The following ATP11B variants were observed in gnomAD, a reference collection of about 807,000 sequenced individuals.
ATP11B encodes the protein ATPase phospholipid transporting 11B (putative), also known as phospholipid-transporting ATPase IF.
ATP11B carries 81 observed loss-of-function variants against 157.8 expected under a neutral mutation model. That is an observed-to-expected ratio of 0.51 (90% CI 0.43 to 0.62). The LOEUF is 0.62. ATP11B is among the 20% of genes least tolerant of loss of function. The probability of loss-of-function intolerance (pLI) is 0.00; values close to 1 mark genes in which losing one functional copy is unlikely to be tolerated. For missense variants in ATP11B, 1,165 were observed against 1,402.2 expected (o/e 0.83, Z 2.70); for synonymous variants, 451 against 469.4 (o/e 0.96, Z 0.51).
intron 28 of ATP11B, among the ~76,000 whole-genome samples, chr3:182,904,411 T>A (rs1724183897): frequency 6.6e-6 from 1 of 152,236 alleles, no homozygotes; most frequent in South Asian, 2.1e-4. Context: ...AGTGCCCATA[T>A]ACATCTTTCT....
chr3:182,878,804 C>T (rs1722226129), intron 19 of ATP11B, among the ~76,000 whole-genome samples: 1 of 152,042 alleles, frequency 6.6e-6, no homozygotes, highest in African/African-American at 2.4e-5. Context: ...ATGGGTTTTC[C>T]TGAACATCTT....
chr3:182,836,487 T>TGCA lies in ATP11B; in HGVS notation c.552+17_552+18insGCA. The TGCA allele has an allele frequency of 6.2e-7, 1 of 1,613,824 alleles. No individual in the cohort carries two copies. Among genetic ancestry groups the TGCA allele is most frequent in the Non-Finnish European group, 8.5e-7 (1 of 1,179,810 alleles). ...AACCTGAAGGTTTGCTTGCATATGT[T>TGCA]TGAGTATTGCTCTTGGTGAACAAAG... On this transcript the variant is annotated intron_variant, in intron 6 of 29. Coordinates refer to ENST00000323116, the MANE Select transcript of ATP11B (RefSeq NM_014616.3).
rs367817200 is a variant in ATP11B at position 182,857,856 on chromosome 3, T to C, written c.852-22T>C. The C allele has an allele frequency of 3.2e-5, 45 of 1,410,444 alleles. No individual in the cohort carries two copies. The African/African-American group carries it at 5.0e-4, about 16-fold the overall frequency. The allele number at this position is 1,410,444 out of a possible 1,614,324, so 87.4% of individuals were successfully genotyped here. A position where few individuals can be genotyped will look rare whatever the true frequency, so the allele number is the denominator to read the frequency against. The stretch of plus-strand genomic sequence containing the variant: ...AGTAATACATGAGTTGTATGTTTTA[T>C]ATTCTCTTTTTCTTCCTTAAGGTCA... On this transcript the variant is annotated intron_variant, in intron 10 of 29. Transcript: ENST00000323116.
Position 182,884,807 on chromosome 3 carries a change from C to A in ATP11B, c.2564C>A (p.Ala855Asp), listed in dbSNP as rs764523258. 1.9e-6 allele frequency: 3 copies of A among 1,602,210 alleles called. No individual in the cohort carries two copies. Among genetic ancestry groups the A allele is most frequent in the Non-Finnish European group, 2.6e-6 (3 of 1,175,622 alleles). The change falls in exon 22 of 30, where the codon GCC becomes GAC. Residue 855 changes from alanine to aspartate, a missense_variant. Transcript: ENST00000323116. The part of the protein sequence containing the change: ...QAARNSDYAI[A>D]RFKFLSKLLF... ...GCAAGAAACAGTGACTATGCAATAG[C>A]CAGATTTAAGTTCCTCTCCAAATTG...
At chr3:182,820,422 A>G (rs1177533072) in intron 2 of ATP11B, 46 bp downstream of exon 2, 1 of 1,300,518 alleles carries the variant, frequency 7.7e-7, no homozygotes, top group Non-Finnish European at 1.1e-6. Context: ...AGTGGCTCAT[A>G]CCCATCATCC....
At chr3:182,903,651 T>A (rs1724127835) in intron 28 of ATP11B, among the ~76,000 whole-genome samples, 1 of 152,198 alleles carries the variant, frequency 6.6e-6, no homozygotes, top group Non-Finnish European at 1.5e-5. Flanking sequence ...AAATTTTATA[T>A]TTAAAATGAG....
intron 1 of ATP11B, among the ~76,000 whole-genome samples, chr3:182,794,312 C>G (rs1455324846): frequency 6.6e-6 from 1 of 152,176 alleles, no homozygotes; most frequent in Non-Finnish European, 1.5e-5. Context: ...GAGGAGGAGG[C>G]TGTCGTAGGT....
intron 1 of ATP11B, among the ~76,000 whole-genome samples, chr3:182,801,720 C>T (rs1237485370): frequency 2.6e-5 from 4 of 152,146 alleles, no homozygotes; most frequent in Non-Finnish European, 4.4e-5. Context: ...TTCTTCCTTT[C>T]CTTCCATTCT....
rs1724976311 is a variant in ATP11B, at chr3:182,913,981, A to G, written c.3439A>G (p.Thr1147Ala). Reference sequence around the variant, plus strand: ...ACGAGTTATAGGAAGATGTAGTCCAACCCACATCAGCAGGTGTGAAATCTC... The same window carrying G: ...ACGAGTTATAGGAAGATGTAGTCCAGCCCACATCAGCAGGTGTGAAATCTC... ...LERVIGRCSP[T>A]HISRSWSASD... The change falls in exon 29 of 30, where the codon ACC becomes GCC. Residue 1147 changes from threonine to alanine, a missense_variant. Around this residue, in one of 4 missense-constraint regions of ATP11B, gnomAD observed 303 missense variants for 296.3 expected, o/e 1.02. Coordinates refer to ENST00000323116, the MANE Select transcript of ATP11B (RefSeq NM_014616.3). 4.3e-6 allele frequency: 7 copies of G among 1,614,036 alleles called. No individual in the cohort carries two copies. The South Asian group carries it at 5.5e-5, about 13-fold the overall frequency.
chr3:182,861,118 T>C (rs1277859990), intron 12 of ATP11B, among the ~76,000 whole-genome samples: 2 of 146,932 alleles, frequency 1.4e-5, no homozygotes, highest in South Asian at 2.1e-4. Context: ...CAGGCTGGAG[T>C]GCAATGGCGC....
intron 21 of ATP11B, among the ~76,000 whole-genome samples, chr3:182,884,437 A>G (rs536374844): frequency 6.6e-6 from 1 of 152,250 alleles, no homozygotes; most frequent in South Asian, 2.1e-4. Flanking sequence ...TCTGTTACCC[A>G]GTACTTGTGC....
At chr3:182,842,845 T>C (rs1577006272) in intron 8 of ATP11B, among the ~76,000 whole-genome samples, 2 of 152,310 alleles carry the variant, frequency 1.3e-5, no homozygotes, top group South Asian at 4.1e-4. Flanking sequence ...CAAAAGAATA[T>C]ACAATTCAGA....
At chr3:182,823,106 C>T (rs1717475448) in intron 2 of ATP11B, among the ~76,000 whole-genome samples, 1 of 152,174 alleles carries the variant, frequency 6.6e-6, no homozygotes, top group African/African-American at 2.4e-5. Flanking sequence ...TGTGCAGAAG[C>T]TCTTTAGTTG....
Position 182,869,296 on chromosome 3 carries a change from G to A in ATP11B, c.1831G>A (p.Glu611Lys). 1 of 1,606,700 alleles carries A rather than the reference G, an allele frequency of 6.2e-7. No homozygotes were observed. Among genetic ancestry groups the A allele is most frequent in the Non-Finnish European group, 8.5e-7 (1 of 1,176,974 alleles). Residue 611 changes from glutamate to lysine, a missense_variant, in exon 17 of 30, where the codon GAA (glutamate) becomes AAA (lysine). Transcript: ENST00000323116. The part of the protein sequence containing the change: ...ILPKCIGGEI[E>K]KTRIHVDEFA... Reference sequence around the variant, plus strand: ...CCCTAAATGTATAGGTGGAGAAATAGAAAAAACCAGAATTCATGTAGATGA... The same window carrying A: ...CCCTAAATGTATAGGTGGAGAAATAAAAAAAACCAGAATTCATGTAGATGA...
intron 15 of ATP11B, 134 bp downstream of exon 15, chr3:182,867,578 A>ATTTT: frequency 1.3e-5 from 3 of 232,972 alleles, no homozygotes; most frequent in Non-Finnish European, 2.3e-5. Context: ...AAGTCACATT[A>ATTTT]CTTTTTTTTT....
intron 1 of ATP11B, among the ~76,000 whole-genome samples, chr3:182,813,284 A>G (rs1716779246): frequency 6.6e-6 from 1 of 152,142 alleles, no homozygotes; most frequent in African/African-American, 2.4e-5. Flanking sequence ...TTTTTTGAGA[A>G]ACTGCCATAC....
intron 10 of ATP11B, among the ~76,000 whole-genome samples, chr3:182,855,607 A>G (rs1466946622): frequency 6.6e-6 from 1 of 152,172 alleles, no homozygotes. Flanking sequence ...AGACTGGGGA[A>G]AAATACTTGC....
chr3:182,829,154 A>G (rs1470825497), intron 3 of ATP11B, among the ~76,000 whole-genome samples: 1 of 152,204 alleles, frequency 6.6e-6, no homozygotes, highest in Non-Finnish European at 1.5e-5. Flanking sequence ...TGAAATCACT[A>G]GCTAAGATGA....
intron 1 of ATP11B, among the ~76,000 whole-genome samples, chr3:182,807,739 A>G (rs982247422): frequency 3.3e-5 from 5 of 152,204 alleles, no homozygotes; most frequent in Non-Finnish European, 5.9e-5. Context: ...TGAGTCATCT[A>G]TGATTTAATG....
Sources: allele counts gnomAD v4.1 joint callset (sites outside exome capture counted in the v4.1 genomes callset), GRCh38; gene constraint gnomAD v4.1.1; regional missense constraint gnomAD v4.1.1; transcripts MANE v1.5; gene names NCBI Gene and HGNC (gene_info 2026-07-23, HGNC 2026-07-21).